MACROD2: variants seen among roughly 807,000 people sequenced by gnomAD.
MACROD2 encodes mono-ADP ribosylhydrolase 2.
MACROD2 carries 36 observed loss-of-function variants against 70.4 expected under a neutral mutation model. The observed-to-expected ratio is 0.51, with a 90% CI of 0.39 to 0.68. MACROD2 has a LOEUF of 0.68. Ranked by LOEUF, MACROD2 falls within the 30% of genes least tolerant of loss-of-function variation. The probability of loss-of-function intolerance (pLI) is 0.00; values close to 1 mark genes in which losing one functional copy is unlikely to be tolerated. For synonymous variants in MACROD2, 172 were observed against 178.8 expected (o/e 0.96, Z 0.30); for missense variants, 496 against 538.4 (o/e 0.92, Z 0.78).
chr20:15,945,187 C>G (rs2065804912), intron 12 of MACROD2, among the ~76,000 whole-genome samples: 1 of 152,152 alleles, frequency 6.6e-6, no homozygotes, highest in Non-Finnish European at 1.5e-5. Flanking sequence ...TCAAGGTGTT[C>G]CTGGTACACA....
chr20:14,724,926 A>G (rs1033781688), intron 5 of MACROD2, among the ~76,000 whole-genome samples: 7 of 152,164 alleles, frequency 4.6e-5, no homozygotes, highest in African/African-American at 1.7e-4. Flanking sequence ...TGGAATGTAC[A>G]AAGAAGGCAT....
chr20:14,632,344 AC>A (rs1365285435), intron 4 of MACROD2, among the ~76,000 whole-genome samples: 1 of 152,210 alleles, frequency 6.6e-6, no homozygotes, highest in African/African-American at 2.4e-5. Flanking sequence ...CAATATGAAA[AC>A]CTGTTTTCTT....
chr20:15,338,479 G>T (rs1455344947), intron 6 of MACROD2, among the ~76,000 whole-genome samples: 1 of 151,150 alleles, frequency 6.6e-6, no homozygotes, highest in Admixed American at 6.6e-5. Context: ...CTTAGGTCTG[G>T]GTATCAATCA....
At chr20:14,395,271 TA>T (rs1267153518) in intron 3 of MACROD2, among the ~76,000 whole-genome samples, 1 of 152,042 alleles carries the variant, frequency 6.6e-6, no homozygotes, top group Non-Finnish European at 1.5e-5. Flanking sequence ...ATTATAAATT[TA>T]ATTTTTATAA....
chr20:14,859,421 CTGTGTGCA>C (rs2073291187), intron 5 of MACROD2, among the ~76,000 whole-genome samples: 1 of 151,968 alleles, frequency 6.6e-6, no homozygotes, highest in Non-Finnish European at 1.5e-5. Flanking sequence ...AAAACAGTGC[CTGTGTGCA>C]TGTGTGCTTC....
At chr20:14,374,793 T>C (rs1300591746) in intron 3 of MACROD2, among the ~76,000 whole-genome samples, 1 of 152,158 alleles carries the variant, frequency 6.6e-6, no homozygotes, top group Non-Finnish European at 1.5e-5. Context: ...ACTCCCCTAT[T>C]AATTTATGGC....
intron 16 of MACROD2, among the ~76,000 whole-genome samples, chr20:16,042,384 A>G (rs923149399): frequency 2.6e-5 from 4 of 152,054 alleles, no homozygotes; most frequent in African/African-American, 9.7e-5. Flanking sequence ...GTTATTTACA[A>G]ATCATGTTCT....
chr20:15,330,922 CTA>C (rs2077984867), intron 6 of MACROD2, among the ~76,000 whole-genome samples: 1 of 151,628 alleles, frequency 6.6e-6, no homozygotes, highest in Admixed American at 6.6e-5. Flanking sequence ...CTGCCCCTGG[CTA>C]TCTCTTACTT....
intron 8 of MACROD2, among the ~76,000 whole-genome samples, chr20:15,694,524 T>C (rs1195876924): frequency 6.6e-6 from 1 of 152,214 alleles, no homozygotes; most frequent in Non-Finnish European, 1.5e-5. Context: ...CTTTTGAGAA[T>C]TGTCTATTCA....
chr20:15,158,215 A>G (rs753542918), intron 5 of MACROD2, among the ~76,000 whole-genome samples: 2 of 152,156 alleles, frequency 1.3e-5, no homozygotes, highest in Non-Finnish European at 2.9e-5. Context: ...TTCAACTTGC[A>G]GGTTTCTTTT....
At chr20:14,462,518 T>C (rs1719733773) in intron 3 of MACROD2, among the ~76,000 whole-genome samples, 1 of 152,086 alleles carries the variant, frequency 6.6e-6, no homozygotes, top group South Asian at 2.1e-4. Context: ...TCTTTTGCTG[T>C]GCAGAAGCTC....
chr20:15,052,271 T>A lies in MACROD2; in HGVS notation c.419-177669T>A, dbSNP rs554037073. Among the ~76,000 whole-genome samples, 24 of 152,310 alleles carry A rather than the reference T, an allele frequency of 1.6e-4. No individual in the cohort carries two copies. The South Asian group carries it at 5.0e-3, about 32-fold the overall frequency. ...CTATCTTTGTGTTCTCTGTGCCTAG[T>A]GTGATGGGTGGCATATACAGGCATC... On this transcript the variant is annotated intron_variant, in intron 5 of 17. Coordinates refer to ENST00000684519, the MANE Select transcript of MACROD2 (RefSeq NM_001351661.2).
At chr20:15,289,580 G>A (rs1012786481) in intron 6 of MACROD2, among the ~76,000 whole-genome samples, 3 of 152,206 alleles carry the variant, frequency 2.0e-5, no homozygotes, top group Non-Finnish European at 2.9e-5. Flanking sequence ...GAAGTGGCAG[G>A]AGATGGAGCT....
chr20:14,245,035 G>A (rs929813698), intron 3 of MACROD2, among the ~76,000 whole-genome samples: 1 of 152,132 alleles, frequency 6.6e-6, no homozygotes. Flanking sequence ...TTTTGAGGGT[G>A]AGTAGACTGA....
chr20:15,665,379 G>A (rs1020146153), intron 8 of MACROD2, among the ~76,000 whole-genome samples: 5 of 152,082 alleles, frequency 3.3e-5, no homozygotes, highest in Admixed American at 1.3e-4. Context: ...AAATAATATG[G>A]TAATAAGAGG....
chr20:15,595,219 A>G (rs1449980366), intron 8 of MACROD2, among the ~76,000 whole-genome samples: 1 of 152,214 alleles, frequency 6.6e-6, no homozygotes, highest in Non-Finnish European at 1.5e-5. Flanking sequence ...GTGACTGTAC[A>G]TAATACTACT....
chr20:14,061,071 G>A (rs4477989), intron 2 of MACROD2, among the ~76,000 whole-genome samples: 26,668 of 151,908 alleles, frequency 0.18, 2,560 homozygotes, highest in South Asian at 0.23. Context: ...CTAATCATTT[G>A]TATATGTATA....
At chr20:15,161,409 T>C (rs1317980143) in intron 5 of MACROD2, among the ~76,000 whole-genome samples, 1 of 150,722 alleles carries the variant, frequency 6.6e-6, no homozygotes, top group Non-Finnish European at 1.5e-5. Flanking sequence ...ATTAATAAAA[T>C]ATTACCTCCT....
chr20:14,443,125 T>A (rs1281210325), intron 3 of MACROD2, among the ~76,000 whole-genome samples: 2 of 151,634 alleles, frequency 1.3e-5, no homozygotes, highest in Non-Finnish European at 2.9e-5. Context: ...GTGGTAATAC[T>A]GACCCTGCCA....
Sources: gnomAD v4.1 joint callset for allele counts (sites outside exome capture counted in the v4.1 genomes callset) on GRCh38, gnomAD v4.1.1 for gene constraint, MANE v1.5 for transcripts, NCBI Gene and HGNC (gene_info 2026-07-23, HGNC 2026-07-21) for gene names.